LEMD3: variants seen among roughly 807,000 people sequenced by gnomAD.
LEMD3 encodes LEM domain containing 3.
In LEMD3, 33 loss-of-function variants were observed where a neutral mutation model predicts 95.2. That is an observed-to-expected ratio of 0.35 (90% CI 0.26 to 0.46). The LOEUF is 0.46. LEMD3 is among the 20% of genes least tolerant of loss of function. The pLI is 1.00. For synonymous variants in LEMD3, 525 were observed against 474.6 expected (o/e 1.11, Z -1.38); for missense variants, 1,210 against 1,192.8 (o/e 1.01, Z -0.21).
chr12:65,176,457 G>T (rs1482106815), intron 1 of LEMD3, among the ~76,000 whole-genome samples: 1 of 152,094 alleles, frequency 6.6e-6, no homozygotes, highest in Non-Finnish European at 1.5e-5. Flanking sequence ...AGATATCTCT[G>T]ACTCTCCATC....
intron 1 of LEMD3, among the ~76,000 whole-genome samples, chr12:65,192,093 T>C (rs1195658985): frequency 1.3e-5 from 2 of 150,102 alleles, no homozygotes; most frequent in East Asian, 3.9e-4. Context: ...TATAGAAAGT[T>C]ACACAGTTGC....
chr12:65,186,013 G>C (rs1429756064), intron 1 of LEMD3, among the ~76,000 whole-genome samples: 2 of 151,988 alleles, frequency 1.3e-5, no homozygotes, highest in Non-Finnish European at 2.9e-5. Context: ...TTTTATAAAC[G>C]TGCTATTTTT....
chr12:65,227,732 G>T (rs1355469262), intron 4 of LEMD3, among the ~76,000 whole-genome samples: 4 of 93,150 alleles, frequency 4.3e-5, no homozygotes, highest in East Asian at 7.1e-4. Flanking sequence ...AAGAATTTTT[G>T]CGATTTTTTT....
At chr12:65,237,308 A>G (rs988716552) in intron 4 of LEMD3, among the ~76,000 whole-genome samples, 6 of 152,162 alleles carry the variant, frequency 3.9e-5, no homozygotes, top group African/African-American at 7.2e-5. Context: ...TCTTTATTCA[A>G]TCTGTCATGA....
At chr12:65,216,871 G>T (rs1483126292) in intron 3 of LEMD3, among the ~76,000 whole-genome samples, 2 of 152,028 alleles carry the variant, frequency 1.3e-5, no homozygotes, top group Non-Finnish European at 2.9e-5. Flanking sequence ...CTTAATTCTG[G>T]TCAATTTTTT....
intron 1 of LEMD3, among the ~76,000 whole-genome samples, chr12:65,194,238 G>A (rs913891562): frequency 2.0e-5 from 3 of 152,250 alleles, no homozygotes; most frequent in African/African-American, 7.2e-5. Context: ...CTGTATTCTT[G>A]TAACCATCCA....
chr12:65,240,776 C>A, intron 8 of LEMD3, 133 bp from the exon 9 acceptor site: 1 of 777,504 alleles, frequency 1.3e-6, no homozygotes. Context: ...ATATAGGCAT[C>A]TAAATCTTCT....
chr12:65,229,485 T>G (rs1324397856), intron 4 of LEMD3, among the ~76,000 whole-genome samples: 3 of 152,218 alleles, frequency 2.0e-5, no homozygotes, highest in Non-Finnish European at 4.4e-5. Context: ...CTGTACTGAT[T>G]TACATTCCCA....
rs1306666716 is a variant in LEMD3, at chr12:65,247,503, C to T, written c.*1178C>T. The T allele has an allele frequency of 1.3e-5, 2 of 152,158 alleles. No individual in the cohort carries two copies. Among genetic ancestry groups the T allele is most frequent in the East Asian group, 3.8e-4 (2 of 5,202 alleles). The allele number at this position is 152,158 out of a possible 1,614,324, so 9.4% of individuals were successfully genotyped here. A position where few individuals can be genotyped will look rare whatever the true frequency, so the allele number is the denominator to read the frequency against. ...CACGATTGACTGTTGCTTTGTGCCTCAGTATTTAATTTGTTTCAGTAAACT... is the reference window on the plus strand; with the variant it reads ...CACGATTGACTGTTGCTTTGTGCCTTAGTATTTAATTTGTTTCAGTAAACT... On this transcript the variant is annotated 3_prime_UTR_variant, in exon 13 of 13. Transcript: ENST00000308330.
chr12:65,175,241 G>A (rs1027287689), intron 1 of LEMD3, among the ~76,000 whole-genome samples: 12 of 152,202 alleles, frequency 7.9e-5, no homozygotes, highest in Admixed American at 7.8e-4. Flanking sequence ...TTTGTATCAT[G>A]GGTAACTTTT....
At chr12:65,195,514 C>G (rs1869402714) in intron 1 of LEMD3, among the ~76,000 whole-genome samples, 1 of 151,808 alleles carries the variant, frequency 6.6e-6, no homozygotes, top group African/African-American at 2.4e-5. Flanking sequence ...ATAGTTGTAC[C>G]CCTGTTTTCC....
chr12:65,191,905 A>G (rs1869252758), intron 1 of LEMD3, among the ~76,000 whole-genome samples: 1 of 139,574 alleles, frequency 7.2e-6, no homozygotes, highest in African/African-American at 2.7e-5. Flanking sequence ...AGCCTGGGCA[A>G]CAGAGCCAGA....
At chr12:65,198,826 ATTTGT>A (rs1028223420) in intron 1 of LEMD3, among the ~76,000 whole-genome samples, 1 of 152,006 alleles carries the variant, frequency 6.6e-6, no homozygotes, top group African/African-American at 2.4e-5. Flanking sequence ...TATTGTTAGC[ATTTGT>A]TTTGTTTTTT....
In LEMD3 at chr12:65,216,054, T is replaced by G. The variant is rs762819510; in HGVS notation, c.1627+11T>G. The G allele has an allele frequency of 1.9e-6, 3 of 1,544,052 alleles. No homozygotes were observed. The East Asian group carries it at 6.8e-5, about 35-fold the overall frequency. ...TGGCACAGCTTGCAGGTAATTGTTT[T>G]AACTTTTATAGTTGCTAAAAATGTT... On this transcript the variant is annotated intron_variant, in intron 3 of 12. Transcript: ENST00000308330.
At chr12:65,202,310 G>A (rs552906817) in intron 1 of LEMD3, among the ~76,000 whole-genome samples, 1 of 151,924 alleles carries the variant, frequency 6.6e-6, no homozygotes, top group Non-Finnish European at 1.5e-5. Context: ...GAACCACTGC[G>A]CCTGGCCTGG....
At position 65,240,208 on chromosome 12, in the gene LEMD3, T is replaced by C. The variant is rs1236868125; in HGVS notation, c.2096T>C (p.Val699Ala). 2 of 1,613,510 alleles carry C rather than the reference T, an allele frequency of 1.2e-6. No individual in the cohort carries two copies. Among genetic ancestry groups the C allele is most frequent in the African/African-American group, 1.3e-5 (1 of 74,916 alleles). ...DLQPYMPIPH[V>A]RDSLIQPHDR... ...CAACCTTACATGCCTATTCCACATG[T>C]ACGCGATTCCTTAATACAGCCTCAT... The change falls in exon 8 of 13, where the codon GTA becomes GCA. Residue 699 changes from valine to alanine, a missense_variant. By Grantham distance (64) the Val-to-Ala change is moderately conservative. This residue lies in a region of LEMD3 where 461 missense variants were observed against 569.8 expected (regional missense o/e 0.81). Coordinates refer to ENST00000308330, the MANE Select transcript of LEMD3 (RefSeq NM_014319.5).
chr12:65,186,265 AC>A (rs1565781583), intron 1 of LEMD3, among the ~76,000 whole-genome samples: 1 of 151,986 alleles, frequency 6.6e-6, no homozygotes, highest in Non-Finnish European at 1.5e-5. Flanking sequence ...GTGAAGAGAT[AC>A]TTATTCATCT....
At chr12:65,235,970 C>T (rs1320915397) in intron 4 of LEMD3, among the ~76,000 whole-genome samples, 3 of 152,116 alleles carry the variant, frequency 2.0e-5, no homozygotes, top group Non-Finnish European at 2.9e-5. Flanking sequence ...TAGTTATCTT[C>T]ACCATCTTAA....
chr12:65,181,664 C>G (rs535406930), intron 1 of LEMD3, among the ~76,000 whole-genome samples: 1 of 152,174 alleles, frequency 6.6e-6, no homozygotes, highest in Admixed American at 6.5e-5. Context: ...TTGATCATTC[C>G]TTTCACCTTT....
Sources: allele counts gnomAD v4.1 joint callset (sites outside exome capture counted in the v4.1 genomes callset), GRCh38; gene constraint gnomAD v4.1.1; regional missense constraint gnomAD v4.1.1; transcripts MANE v1.5; gene names NCBI Gene and HGNC (gene_info 2026-07-23, HGNC 2026-07-21).